RPSA2: variants seen among roughly 807,000 people sequenced by gnomAD.
The protein encoded by RPSA2 is ribosomal protein SA 2, also known as small ribosomal subunit protein uS2B.
At chr19:23,758,955 C>T in the RPSA2 span, 1 of 632,772 alleles carries the variant, frequency 1.6e-6, no homozygotes, top group Non-Finnish European at 2.8e-6. Context: ...TTGGACAGTT[C>T]CCAGCCCAGC....
chr19:23,795,224 C>T, the RPSA2 span, among the ~76,000 whole-genome samples: 1 of 148,808 alleles, frequency 6.7e-6, no homozygotes, highest in East Asian at 2.0e-4. Flanking sequence ...ATATTTTGGT[C>T]ATCTGATTAG....
chr19:23,808,547 G>A, the RPSA2 span, among the ~76,000 whole-genome samples: 148,837 of 152,174 alleles, frequency 0.98, 72,880 homozygotes, highest in East Asian at 1. Context: ...GTGAGCCACT[G>A]CGCCTGACCA....
chr19:23,766,042 G>A, the RPSA2 span, among the ~76,000 whole-genome samples: 1 of 151,988 alleles, frequency 6.6e-6, no homozygotes, highest in Non-Finnish European at 1.5e-5. Flanking sequence ...ATAGCAGTGG[G>A]AATATCAAGG....
At chr19:23,870,083 C>T in the RPSA2 span, among the ~76,000 whole-genome samples, 2 of 152,308 alleles carry the variant, frequency 1.3e-5, no homozygotes, top group South Asian at 2.1e-4. Flanking sequence ...CCTTGTGATG[C>T]CACCCCTGTT....
the RPSA2 span, among the ~76,000 whole-genome samples, chr19:23,766,351 A>T: frequency 1.1e-4 from 16 of 151,452 alleles, no homozygotes; most frequent in African/African-American, 3.6e-4. Context: ...TATTTTAAAA[A>T]AATTTTACCT....
the RPSA2 span, among the ~76,000 whole-genome samples, chr19:23,791,597 C>T: frequency 2.6e-5 from 4 of 152,318 alleles, no homozygotes; most frequent in South Asian, 8.3e-4. Flanking sequence ...CCATATTCCT[C>T]CAGCCTAACT....
At chr19:23,760,784 C>G in the RPSA2 span, among the ~76,000 whole-genome samples, 1 of 150,898 alleles carries the variant, frequency 6.6e-6, no homozygotes. Context: ...CCTGCCTCAG[C>G]CTCCTGAATA....
chr19:23,785,403 T>A, the RPSA2 span, among the ~76,000 whole-genome samples: 1 of 152,074 alleles, frequency 6.6e-6, no homozygotes, highest in Non-Finnish European at 1.5e-5. Context: ...GTGACATATC[T>A]CTGCATCAGT....
the RPSA2 span, among the ~76,000 whole-genome samples, chr19:23,848,394 T>C: frequency 1.8e-4 from 27 of 152,216 alleles, no homozygotes; most frequent in Admixed American, 1.7e-3. Context: ...AACAAGCCGA[T>C]TAAACAGATA....
the RPSA2 span, chr19:23,831,576 T>C: frequency 6.1e-6 from 1 of 162,688 alleles, no homozygotes; most frequent in Non-Finnish European, 1.5e-5. Flanking sequence ...TAATTTATTA[T>C]TTTTATTTTT....
the RPSA2 span, among the ~76,000 whole-genome samples, chr19:23,796,203 A>G: frequency 0.98 from 148,976 of 152,310 alleles, 72,949 homozygotes; most frequent in Middle Eastern, 1. Context: ...AAGCCTTTTC[A>G]GCATCTATTG....
chr19:23,840,962 C>CAAA, the RPSA2 span, among the ~76,000 whole-genome samples: 6 of 117,720 alleles, frequency 5.1e-5, no homozygotes, highest in African/African-American at 2.0e-4. Flanking sequence ...AACTCCGTCT[C>CAAA]AAAAAAAAAA....
chr19:23,852,045 A>G, the RPSA2 span, among the ~76,000 whole-genome samples: 1 of 152,190 alleles, frequency 6.6e-6, no homozygotes, highest in African/African-American at 2.4e-5. Context: ...CTACTAAATC[A>G]TTATGTTGAA....
the RPSA2 span, chr19:23,833,210 G>T: frequency 8.5e-7 from 1 of 1,178,652 alleles, no homozygotes; most frequent in South Asian, 1.9e-5. Flanking sequence ...ATTTATACTT[G>T]AAAGCAACCC....
At chr19:23,862,848 A>T in the RPSA2 span, among the ~76,000 whole-genome samples, 1 of 149,126 alleles carries the variant, frequency 6.7e-6, no homozygotes, top group Non-Finnish European at 1.5e-5. Context: ...CCTCATCTTA[A>T]TCTTCAGGAT....
the RPSA2 span, chr19:23,758,608 C>T: frequency 2.3e-6 from 3 of 1,283,344 alleles, no homozygotes; most frequent in Non-Finnish European, 3.4e-6. Context: ...AGCGCAGCCG[C>T]CATCTTATGG....
the RPSA2 span, among the ~76,000 whole-genome samples, chr19:23,801,044 G>T: frequency 6.6e-6 from 1 of 152,172 alleles, no homozygotes; most frequent in African/African-American, 2.4e-5. Context: ...AGTGTGCATT[G>T]AGTAGACATG....
At chr19:23,758,875 G>C in the RPSA2 span, 6 of 1,349,280 alleles carry the variant, frequency 4.4e-6, no homozygotes, top group South Asian at 3.9e-5. Flanking sequence ...CCCGGAGCTC[G>C]GGCTGAAGGG....
chr19:23,818,320 C>A, the RPSA2 span: 2 of 152,178 alleles, frequency 1.3e-5, no homozygotes, highest in African/African-American at 4.8e-5. Context: ...GTTTTAAATT[C>A]TGCAAGGGAT....
Sources: gnomAD v4.1 joint callset for allele counts (sites outside exome capture counted in the v4.1 genomes callset) on GRCh38, gnomAD v4.1.1 for gene constraint, MANE v1.5 for transcripts, NCBI Gene and HGNC (gene_info 2026-07-23, HGNC 2026-07-21) for gene names.